CHRM5: variants seen among roughly 807,000 people sequenced by gnomAD.
The protein encoded by CHRM5 is muscarinic acetylcholine receptor M5.
CHRM5 carries 18 observed loss-of-function variants against 39.0 expected under a neutral mutation model. The observed-to-expected ratio is 0.46, with a 90% confidence interval of 0.32 to 0.68. The LOEUF is 0.68. Ranked by LOEUF, CHRM5 falls within the 30% of genes least tolerant of loss-of-function variation. CHRM5 has a pLI of 0.04. For missense variants in CHRM5, 515 were observed against 651.1 expected, an observed-to-expected ratio of 0.79 and a Z score of 2.28; for synonymous variants, 241 against 246.3, an observed-to-expected ratio of 0.98 and a Z score of 0.20.
At chr15:34,056,593 A>G (rs1345315688) in intron 2 of CHRM5, among the ~76,000 whole-genome samples, 1 of 152,248 alleles carries the variant, frequency 6.6e-6, no homozygotes, top group East Asian at 1.9e-4. Flanking sequence ...AACCTTTTCA[A>G]TCATGCATTT....
chr15:34,024,935 C>A (rs1414226512), intron 1 of CHRM5, among the ~76,000 whole-genome samples: 1 of 151,736 alleles, frequency 6.6e-6, no homozygotes, highest in Non-Finnish European at 1.5e-5. Flanking sequence ...GTAATCCTAG[C>A]ACTTTGGGAG....
intron 1 of CHRM5, among the ~76,000 whole-genome samples, chr15:34,006,566 A>G (rs1182585774): frequency 6.6e-6 from 1 of 152,218 alleles, no homozygotes; most frequent in Non-Finnish European, 1.5e-5. Context: ...TAAAACACCT[A>G]AGGAACGATT....
chr15:34,034,446 T>A (rs78690544), intron 1 of CHRM5, among the ~76,000 whole-genome samples: 22,751 of 143,756 alleles, frequency 0.16, 2,150 homozygotes, highest in Middle Eastern at 0.28. Flanking sequence ...GTTTCTTTTT[T>A]AAAAAAAAAA....
chr15:34,053,319 A>AAAAAAT (rs775436850), intron 2 of CHRM5, among the ~76,000 whole-genome samples: 50 of 42,046 alleles, frequency 1.2e-3, no homozygotes, highest in African/African-American at 2.8e-3. Context: ...AAAAAAAAAA[A>AAAAAAT]ATATATATAT....
In CHRM5 at chr15:34,062,632, C is replaced by A; in HGVS notation, c.-75-11C>A. On this transcript the variant is annotated splice_polypyrimidine_tract_variant and intron_variant, in intron 2 of 2. Transcript: ENST00000383263. ...TGGTGTGCGAAGCTAATGTGTTTCC[C>A]TCTCTTCCAGATGCTGGCCAAGAAG... 1 of 1,277,692 alleles carries A rather than the reference C, an allele frequency of 7.8e-7. No homozygotes were observed. The allele number at this position is 1,277,692 out of a possible 1,614,324, so 79.1% of individuals were successfully genotyped here.
chr15:34,025,784 G>T (rs1898439204), intron 1 of CHRM5, among the ~76,000 whole-genome samples: 1 of 125,782 alleles, frequency 8.0e-6, no homozygotes, highest in Non-Finnish European at 1.9e-5. Context: ...GTGTGTGTGT[G>T]CGCATGTGTA....
chr15:34,048,442 G>A (rs151217757), intron 2 of CHRM5, among the ~76,000 whole-genome samples: 4 of 150,880 alleles, frequency 2.7e-5, no homozygotes, highest in African/African-American at 9.7e-5. Context: ...TCATGGCCAG[G>A]CTGCTTCTTT....
chr15:34,038,932 C>CGCCTCTGGCTACCGCCGCT, intron 1 of CHRM5: 18 of 1,104,820 alleles, frequency 1.6e-5, no homozygotes, highest in Non-Finnish European at 2.0e-5. Context: ...CCTCCGCCGC[C>CGCCTCTGGCTACCGCCGCT]GCCTCTGGCT....
At chr15:34,038,865 C>CT in intron 1 of CHRM5, 1 of 1,152,554 alleles carries the variant, frequency 8.7e-7, no homozygotes, top group African/African-American at 1.7e-5. Context: ...TCCGCGAGCG[C>CT]CGCGGAAGCC....
In CHRM5 at chr15:34,049,270, C is replaced by G. The variant is rs554951097; in HGVS notation, c.-76+2399C>G. On this transcript the variant is annotated intron_variant, in intron 2 of 2. Coordinates refer to ENST00000383263, the MANE Select transcript of CHRM5 (RefSeq NM_012125.4). ...TAACAAACTTCACTGAGCTAAAGGA[C>G]CATGTTGTAACCCAATGCAAGGGAG... 2.6e-5 allele frequency among the ~76,000 whole-genome samples: 4 copies of G among 152,254 alleles called. No individual in the cohort carries two copies. In the South Asian group the frequency reaches 8.3e-4, roughly 32 times the overall value.
At chr15:33,973,779 C>G (rs575978315) in intron 1 of CHRM5, among the ~76,000 whole-genome samples, 1 of 152,236 alleles carries the variant, frequency 6.6e-6, no homozygotes, top group South Asian at 2.1e-4. Flanking sequence ...GAGTAAAGAC[C>G]ACATCTAATT....
At chr15:34,057,141 G>GT (rs148277277) in intron 2 of CHRM5, among the ~76,000 whole-genome samples, 92,753 of 140,582 alleles carry the variant, frequency 0.66, 30,616 homozygotes, top group South Asian at 0.79. Flanking sequence ...GGTTTTTTTT[G>GT]GTTTTTTTTT....
At chr15:33,971,508 G>A (rs908916203) in intron 1 of CHRM5, among the ~76,000 whole-genome samples, 3 of 151,840 alleles carry the variant, frequency 2.0e-5, no homozygotes, top group Admixed American at 6.6e-5. Context: ...CATCCATTTC[G>A]TGTATGTTGA....
chr15:34,005,425 T>C (rs1822331766), intron 1 of CHRM5, among the ~76,000 whole-genome samples: 1 of 147,042 alleles, frequency 6.8e-6, no homozygotes, highest in African/African-American at 2.4e-5. Context: ...CATGGTATTA[T>C]TTACAGATTT....
intron 1 of CHRM5, among the ~76,000 whole-genome samples, chr15:34,018,876 T>G (rs1567470770): frequency 6.9e-6 from 1 of 143,990 alleles, no homozygotes; most frequent in Non-Finnish European, 1.5e-5. Flanking sequence ...GCATTTATAA[T>G]CCTTTAGCTA....
intron 1 of CHRM5, among the ~76,000 whole-genome samples, chr15:34,004,348 C>A (rs1003598285): frequency 1.3e-5 from 2 of 151,978 alleles, no homozygotes; most frequent in Non-Finnish European, 1.5e-5. Context: ...GATAAGGAAC[C>A]CAGTTTCTTC....
rs568427233 is a variant in CHRM5 at position 33,978,075 on chromosome 15, C to G, written c.-408+8925C>G. On this transcript the variant is annotated intron_variant, in intron 1 of 2. Coordinates refer to ENST00000383263, the MANE Select transcript of CHRM5 (RefSeq NM_012125.4). ...AGAGAGGTAGGGAGGGAGGGAGGAC[C>G]ATTTCAAAAGTCACTATGTCTATAT... 2.6e-5 allele frequency among the ~76,000 whole-genome samples: 4 copies of G among 151,898 alleles called. No homozygotes were observed. The East Asian group carries it at 7.7e-4, about 29-fold the overall frequency.
intron 1 of CHRM5, among the ~76,000 whole-genome samples, 194 bp from the exon 2 acceptor site, chr15:34,046,343 GAAA>G (rs56286203): frequency 7.1e-6 from 1 of 141,434 alleles, no homozygotes. Context: ...AGTGAGGCAG[GAAA>G]AAAAAAAAAA....
At position 34,064,495 on chromosome 15, in the gene CHRM5, C is replaced by A; in HGVS notation, c.*179C>A. The stretch of plus-strand genomic sequence containing the variant: ...GAAGGGGCCATAGCTGCAGCAATTG[C>A]TGACATATTAAATGACTCTTGCCTA... On this transcript the variant is annotated 3_prime_UTR_variant, in exon 3 of 3. Transcript: ENST00000383263. 1.4e-6 allele frequency: 1 copy of A among 715,032 alleles called. No homozygotes were observed. Among genetic ancestry groups the A allele is most frequent in the Non-Finnish European group, 2.3e-6 (1 of 432,272 alleles). The allele number at this position is 715,032 out of a possible 1,614,324, so 44.3% of individuals were successfully genotyped here. A position where few individuals can be genotyped will look rare whatever the true frequency, so the allele number is the denominator to read the frequency against.
Sources: gnomAD v4.1 joint callset for allele counts (sites outside exome capture counted in the v4.1 genomes callset) on GRCh38, gnomAD v4.1.1 for gene constraint, MANE v1.5 for transcripts, NCBI Gene and HGNC (gene_info 2026-07-23, HGNC 2026-07-21) for gene names.